The following INIP variants were observed in gnomAD, a reference collection of about 807,000 sequenced individuals.
INIP encodes the protein INTS3 and NABP interacting protein.
Under a neutral mutation model 14.0 loss-of-function variants are expected in INIP, and 9 were observed. The observed-to-expected ratio is 0.64, with a 90% confidence interval of 0.39 to 1.12. INIP has a LOEUF of 1.12. Ranked by LOEUF, INIP falls within the 50% of genes most tolerant of loss-of-function variation. The probability of loss-of-function intolerance (pLI) is 0.01; values close to 1 mark genes in which losing one functional copy is unlikely to be tolerated. For synonymous variants in INIP, 37 were observed against 41.5 expected, an observed-to-expected ratio of 0.89 and a Z score of 0.41; for missense variants, 78 against 122.7, an observed-to-expected ratio of 0.64 and a Z score of 1.72.
intron 2 of INIP, among the ~76,000 whole-genome samples, chr9:112,700,524 A>AATATATATATATATT (rs1838255253): frequency 7.3e-6 from 1 of 137,128 alleles, no homozygotes; most frequent in Admixed American, 7.2e-5. Flanking sequence ...AGGTATATAT[A>AATATATATATATATT]ATATATATAT....
chr9:112,690,556 T>C (rs1234205764), intron 3 of INIP, among the ~76,000 whole-genome samples: 1 of 152,200 alleles, frequency 6.6e-6, no homozygotes, highest in East Asian at 1.9e-4. Flanking sequence ...TCCTCAACAG[T>C]TGTTTGTCTC....
chr9:112,705,984 G>GT (rs1424379020), intron 2 of INIP, among the ~76,000 whole-genome samples: 1 of 152,176 alleles, frequency 6.6e-6, no homozygotes, highest in Non-Finnish European at 1.5e-5. Flanking sequence ...CCCTCTGGTG[G>GT]TAAGAGAGAA....
At chr9:112,694,079 C>T (rs1837992028) in intron 3 of INIP, 52 bp downstream of exon 3, 2 of 1,248,548 alleles carry the variant, frequency 1.6e-6, no homozygotes, top group Non-Finnish European at 2.3e-6. Flanking sequence ...CGTCTCAAAA[C>T]AAAACAAAAC....
At chr9:112,714,044 C>T (rs568589597) in intron 2 of INIP, among the ~76,000 whole-genome samples, 4 of 151,500 alleles carry the variant, frequency 2.6e-5, no homozygotes, top group South Asian at 2.1e-4. Context: ...CAGCTTTATT[C>T]ACAACAGCCA....
chr9:112,704,564 C>A (rs746638394), intron 2 of INIP, among the ~76,000 whole-genome samples: 6 of 152,144 alleles, frequency 3.9e-5, no homozygotes, highest in African/African-American at 1.4e-4. Context: ...TAGAGGGGAA[C>A]TAATGCACAC....
At chr9:112,700,307 G>C (rs1175651031) in intron 2 of INIP, among the ~76,000 whole-genome samples, 1 of 151,950 alleles carries the variant, frequency 6.6e-6, no homozygotes, top group Non-Finnish European at 1.5e-5. Flanking sequence ...ACTTCATGTG[G>C]TGTCCAACTA....
chr9:112,703,709 T>C (rs1356980388), intron 2 of INIP, among the ~76,000 whole-genome samples: 1 of 152,196 alleles, frequency 6.6e-6, no homozygotes, highest in Admixed American at 6.5e-5. Flanking sequence ...TCCCAAATGC[T>C]GGGATTACAG....
intron 2 of INIP, among the ~76,000 whole-genome samples, chr9:112,715,805 T>C (rs1838793036): frequency 6.6e-6 from 1 of 151,972 alleles, no homozygotes; most frequent in Non-Finnish European, 1.5e-5. Flanking sequence ...TATTTATATC[T>C]TTATTCTAAA....
At chr9:112,698,820 A>G (rs1357106182) in intron 2 of INIP, among the ~76,000 whole-genome samples, 2 of 152,220 alleles carry the variant, frequency 1.3e-5, no homozygotes, top group African/African-American at 4.8e-5. Flanking sequence ...TCTCTTTCTC[A>G]TATTTTAGAA....
intron 4 of INIP, among the ~76,000 whole-genome samples, chr9:112,688,853 A>G (rs1478876470): frequency 1.3e-5 from 2 of 152,176 alleles, no homozygotes; most frequent in Non-Finnish European, 2.9e-5. Context: ...TCTAAAAAAT[A>G]GATAAATAAA....
rs942757924 is a variant in INIP at position 112,713,081 on chromosome 9, C to T, written c.25+3380G>A. Among the ~76,000 whole-genome samples, 3 of 152,092 alleles carry T rather than the reference C, an allele frequency of 2.0e-5. No individual in the cohort carries two copies. The South Asian group carries it at 6.2e-4, about 32-fold the overall frequency. ...ATCTGACAAAGGACTTGTATCCAGA[C>T]CGAAGAATGAAAACAAAACAACTTG... On this transcript the variant is annotated intron_variant, in intron 2 of 4. Coordinates refer to ENST00000374242, the MANE Select transcript of INIP (RefSeq NM_021218.3).
At chr9:112,701,910 T>C (rs1838311830) in intron 2 of INIP, 1 of 151,996 alleles carries the variant, frequency 6.6e-6, no homozygotes, top group South Asian at 2.0e-4. Flanking sequence ...ATTTTTTTAA[T>C]TTAGCAGGGC....
At chr9:112,713,899 G>T (rs889195622) in intron 2 of INIP, among the ~76,000 whole-genome samples, 1 of 151,588 alleles carries the variant, frequency 6.6e-6, no homozygotes, top group East Asian at 1.9e-4. Context: ...CAGGAGAATC[G>T]CTTGAACCCA....
At chr9:112,697,490 G>A (rs1271867607) in intron 2 of INIP, among the ~76,000 whole-genome samples, 1 of 152,218 alleles carries the variant, frequency 6.6e-6, no homozygotes, top group South Asian at 2.1e-4. Flanking sequence ...GGCTGAGGCA[G>A]GAGGATCGCT....
At chr9:112,710,735 T>C (rs1238451041) in intron 2 of INIP, among the ~76,000 whole-genome samples, 1 of 152,248 alleles carries the variant, frequency 6.6e-6, no homozygotes, top group Non-Finnish European at 1.5e-5. Context: ...TTTATTTACA[T>C]TAATAAATTA....
At chr9:112,688,626 G>C (rs1837769639) in intron 4 of INIP, among the ~76,000 whole-genome samples, 1 of 152,086 alleles carries the variant, frequency 6.6e-6, no homozygotes, top group Non-Finnish European at 1.5e-5. Flanking sequence ...TTTGAGACCA[G>C]TCTGGGCAAC....
intron 2 of INIP, among the ~76,000 whole-genome samples, chr9:112,703,329 C>T (rs1435839408): frequency 6.6e-6 from 1 of 152,210 alleles, no homozygotes; most frequent in Admixed American, 6.5e-5. Flanking sequence ...ACATGGTCTC[C>T]TGCTCTGTCA....
At chr9:112,697,502 G>A (rs948311741) in intron 2 of INIP, among the ~76,000 whole-genome samples, 1 of 152,156 alleles carries the variant, frequency 6.6e-6, no homozygotes, top group African/African-American at 2.4e-5. Flanking sequence ...AGGATCGCTT[G>A]AGCCCATGAA....
At chr9:112,717,692 A>C (rs77827624) in intron 1 of INIP, among the ~76,000 whole-genome samples, 3,781 of 152,284 alleles carry the variant, frequency 0.025, 92 homozygotes, top group Admixed American at 0.072. Context: ...ATGAATCGTT[A>C]GGTGTCTCCA....
Sources: gnomAD v4.1 joint callset for allele counts (sites outside exome capture counted in the v4.1 genomes callset) on GRCh38, gnomAD v4.1.1 for gene constraint, MANE v1.5 for transcripts, NCBI Gene and HGNC (gene_info 2026-07-23, HGNC 2026-07-21) for gene names.